PTPRK: variants seen among roughly 807,000 people sequenced by gnomAD.
PTPRK encodes the protein protein tyrosine phosphatase receptor type K, also known as receptor-type tyrosine-protein phosphatase kappa.
PTPRK carries 75 observed loss-of-function variants against 178.0 expected under a neutral mutation model. The observed-to-expected ratio is 0.42, with a 90% CI of 0.35 to 0.51. The LOEUF (loss-of-function observed/expected upper bound fraction) is 0.51. PTPRK is among the 20% of genes least tolerant of loss of function. The pLI is 0.02. For synonymous variants in PTPRK, 637 were observed against 620.6 expected (o/e 1.03, Z -0.39); for missense variants, 1,441 against 1,797.8 (o/e 0.80, Z 3.59).
At chr6:128,300,643 A>T (rs1005828463) in intron 3 of PTPRK, among the ~76,000 whole-genome samples, 2 of 144,382 alleles carry the variant, frequency 1.4e-5, no homozygotes, top group African/African-American at 5.1e-5. Context: ...TCTCACTCAT[A>T]GGTGGGAACT....
At chr6:128,313,787 T>C (rs1322602231) in intron 3 of PTPRK, among the ~76,000 whole-genome samples, 2 of 152,088 alleles carry the variant, frequency 1.3e-5, no homozygotes, top group Non-Finnish European at 2.9e-5. Context: ...AATAGGAAAT[T>C]ACCGTTATCA....
intron 1 of PTPRK, among the ~76,000 whole-genome samples, chr6:128,518,074 G>A (rs958297526): frequency 7.9e-5 from 12 of 152,208 alleles, no homozygotes; most frequent in African/African-American, 2.9e-4. Context: ...TATAATTTGT[G>A]GAGAAAGGCA....
intron 7 of PTPRK, among the ~76,000 whole-genome samples, chr6:128,148,615 AG>A (rs1796824753): frequency 6.6e-6 from 1 of 152,120 alleles, no homozygotes; most frequent in Admixed American, 6.6e-5. Flanking sequence ...TTTCCTGAAG[AG>A]ACTTGATATT....
Position 128,125,378 on chromosome 6 carries a change from A to ATCCTGC in PTPRK, c.1163-35392_1163-35387dup, listed in dbSNP as rs1282407329. 7.9e-4 allele frequency among the ~76,000 whole-genome samples: 120 copies of ATCCTGC among 151,880 alleles called. 1 individual carries two copies. The highest frequency in any genetic ancestry group is 2.8e-3 in the African/African-American group (116 of 41,412). Reference sequence around the variant, plus strand: ...TTAAAAGTGTACAGCATCTTCCCCCATCCTGCTCCTGCTCCTGCCATGTAA... The same window carrying ATCCTGC: ...TTAAAAGTGTACAGCATCTTCCCCCATCCTGCTCCTGCTCCTGCTCCTGCCATGTAA... On this transcript the variant is annotated intron_variant, in intron 7 of 29. Transcript: ENST00000368226.
chr6:128,113,196 A>G lies in PTPRK; in HGVS notation c.1163-23204T>C, dbSNP rs189363627. ...AATTCTCAGTATATTAGTTATACAA[A>G]GACAGACACAAAATGTATCTATGGT... On this transcript the variant is annotated intron_variant, in intron 7 of 29. Coordinates refer to ENST00000368226, the MANE Select transcript of PTPRK (RefSeq NM_002844.4). 2.0e-5 allele frequency among the ~76,000 whole-genome samples: 3 copies of G among 152,166 alleles called. No homozygotes were observed. The East Asian group carries it at 5.8e-4, about 29-fold the overall frequency.
At chr6:128,152,978 C>G (rs200558997) in intron 7 of PTPRK, among the ~76,000 whole-genome samples, 2 of 151,836 alleles carry the variant, frequency 1.3e-5, no homozygotes, top group Non-Finnish European at 2.9e-5. Context: ...CTCTGTAACA[C>G]CTCTTTTTTT....
intron 1 of PTPRK, among the ~76,000 whole-genome samples, chr6:128,518,759 T>C (rs1023806102): frequency 2.6e-5 from 4 of 152,252 alleles, no homozygotes; most frequent in Non-Finnish European, 5.9e-5. Context: ...TGTTACCCTC[T>C]GCGTACATCA....
intron 1 of PTPRK, among the ~76,000 whole-genome samples, chr6:128,450,678 A>G (rs570027143): frequency 3.9e-4 from 60 of 152,310 alleles, no homozygotes; most frequent in African/African-American, 1.3e-3. Context: ...AGGGGCAACA[A>G]ATTTTACTGG....
At chr6:128,432,119 T>A (rs1190315681) in intron 1 of PTPRK, among the ~76,000 whole-genome samples, 1 of 152,212 alleles carries the variant, frequency 6.6e-6, no homozygotes, top group Non-Finnish European at 1.5e-5. Flanking sequence ...GATCACCAAC[T>A]ACTATTTTCA....
At chr6:128,037,099 C>CT (rs1776362484) in intron 13 of PTPRK, among the ~76,000 whole-genome samples, 1 of 152,118 alleles carries the variant, frequency 6.6e-6, no homozygotes, top group African/African-American at 2.4e-5. Context: ...CCTCCCTCGC[C>CT]TTTTTCCTTT....
chr6:128,519,597 G>A lies in PTPRK; in HGVS notation c.100+662C>T, dbSNP rs2128447919. Among the ~76,000 whole-genome samples the A allele has an allele frequency of 6.6e-6, 1 of 152,302 alleles. No homozygotes were observed. The highest frequency in any genetic ancestry group is 1.9e-4 in the East Asian group (1 of 5,154). The stretch of plus-strand genomic sequence containing the variant: ...CGCCCAGACCTCGATGCCCATGAAC[G>A]CTCAGAGTGGGTCCTTAGAACCGCA... On this transcript the variant is annotated intron_variant, in intron 1 of 29. Coordinates refer to ENST00000368226, the MANE Select transcript of PTPRK (RefSeq NM_002844.4). This position sits in a 1 kb window ranked among gnomAD's most constrained non-coding sequence, Gnocchi z 4.3.
chr6:128,214,346 C>A (rs937476180), intron 6 of PTPRK, among the ~76,000 whole-genome samples: 4 of 152,082 alleles, frequency 2.6e-5, no homozygotes, highest in African/African-American at 9.7e-5. Context: ...TAACACCCTT[C>A]TCCAATAGTA....
intron 24 of PTPRK, among the ~76,000 whole-genome samples, chr6:127,982,278 CT>C (rs1000078088): frequency 1.1e-4 from 16 of 149,698 alleles, no homozygotes; most frequent in South Asian, 2.1e-4. Context: ...GTTATTATTT[CT>C]TTTTTTTTTC....
chr6:128,350,430 TAAAGGAA>T (rs1584299621), intron 2 of PTPRK, among the ~76,000 whole-genome samples: 1 of 152,112 alleles, frequency 6.6e-6, no homozygotes, highest in East Asian at 1.9e-4. Flanking sequence ...CAAATGCCCT[TAAAGGAA>T]AAAGGAAAAG....
At chr6:128,122,678 T>C (rs1191774602) in intron 7 of PTPRK, among the ~76,000 whole-genome samples, 1 of 152,214 alleles carries the variant, frequency 6.6e-6, no homozygotes, top group African/African-American at 2.4e-5. Flanking sequence ...GTTTCTTCAC[T>C]ACTCAGTGCT....
chr6:128,418,924 G>C (rs17055841), intron 1 of PTPRK, among the ~76,000 whole-genome samples: 5,376 of 152,154 alleles, frequency 0.035, 344 homozygotes, highest in African/African-American at 0.12. Flanking sequence ...CTCTAGCTCT[G>C]TAAAGCACTC....
intron 5 of PTPRK, 128 bp downstream of exon 5, chr6:128,239,907 G>T: frequency 1.8e-6 from 1 of 567,688 alleles, no homozygotes; most frequent in Non-Finnish European, 3.0e-6. Flanking sequence ...CAGACAGCCT[G>T]TCCCACTACA....
intron 13 of PTPRK, among the ~76,000 whole-genome samples, chr6:128,048,793 G>A (rs2114864593): frequency 6.6e-6 from 1 of 152,270 alleles, no homozygotes; most frequent in South Asian, 2.1e-4. Flanking sequence ...AGGGACTTGA[G>A]CATAACTGAT....
At chr6:128,307,654 A>C (rs931065399) in intron 3 of PTPRK, among the ~76,000 whole-genome samples, 3 of 152,106 alleles carry the variant, frequency 2.0e-5, no homozygotes, top group Non-Finnish European at 2.9e-5. Flanking sequence ...TGAGCAAAAG[A>C]CACAAATGAA....
Sources: gnomAD v4.1 joint callset for allele counts (sites outside exome capture counted in the v4.1 genomes callset) on GRCh38, gnomAD v4.1.1 for gene constraint, Gnocchi (gnomAD v3.1) non-coding constraint, MANE v1.5 for transcripts, NCBI Gene and HGNC (gene_info 2026-07-23, HGNC 2026-07-21) for gene names.